Variants in SLC35F1 observed in about 807,000 individuals in gnomAD.
SLC35F1 encodes chromosome 6 open reading frame 169.
A neutral mutation model predicts 48.7 loss-of-function variants in SLC35F1; 14 were observed. The observed-to-expected ratio is 0.29, with a 90% CI of 0.19 to 0.45. The LOEUF is 0.45. SLC35F1 is among the 20% of genes least tolerant of loss of function. The probability of loss-of-function intolerance (pLI) is 1.00; values close to 1 mark genes in which losing one functional copy is unlikely to be tolerated. For missense variants in SLC35F1, 404 were observed against 500.0 expected (o/e 0.81, Z 1.83); for synonymous variants, 190 against 202.2 (o/e 0.94, Z 0.51).
chr6:118,252,511 C>G (rs1775587508), intron 3 of SLC35F1, among the ~76,000 whole-genome samples: 1 of 152,074 alleles, frequency 6.6e-6, no homozygotes, highest in Admixed American at 6.6e-5. Context: ...AAAATCAAAG[C>G]ATTCTGCTTT....
Position 118,297,637 on chromosome 6 carries a change from T to A in SLC35F1, c.1002+12299T>A, listed in dbSNP as rs867406807. On this transcript the variant is annotated intron_variant, in intron 7 of 7. Transcript: ENST00000360388. ...TTCTCAGAACTTATATATATATATA[T>A]AAAAAATATATATATAATATATATA... Among the ~76,000 whole-genome samples the A allele has an allele frequency of 6.4e-3, 685 of 107,044 alleles. 14 individuals are homozygous for A. Among genetic ancestry groups the A allele is most frequent in the Non-Finnish European group, 8.7e-3 (440 of 50,446 alleles). 70.2% of individuals were successfully genotyped at this position (107,044 alleles called of 152,430 possible). A position where few individuals can be genotyped will look rare whatever the true frequency, so the allele number is the denominator to read the frequency against.
At chr6:118,133,008 G>T (rs1214840806) in intron 1 of SLC35F1, among the ~76,000 whole-genome samples, 1 of 152,170 alleles carries the variant, frequency 6.6e-6, no homozygotes, top group Non-Finnish European at 1.5e-5. Flanking sequence ...GAAGAGGGTT[G>T]ACAGCTGGCT....
At chr6:118,114,541 T>A (rs1046945837) in intron 1 of SLC35F1, among the ~76,000 whole-genome samples, 3 of 150,502 alleles carry the variant, frequency 2.0e-5, no homozygotes, top group Non-Finnish European at 4.4e-5. Flanking sequence ...GCCCAGCTAT[T>A]TTTTTTTTGT....
chr6:118,106,822 C>T (rs754938652), intron 1 of SLC35F1, among the ~76,000 whole-genome samples: 7 of 152,146 alleles, frequency 4.6e-5, no homozygotes, highest in Non-Finnish European at 1.0e-4. Context: ...CTCATTCAGC[C>T]CTTTGGACAC....
intron 2 of SLC35F1, among the ~76,000 whole-genome samples, chr6:118,230,414 G>C (rs905148178): frequency 2.0e-5 from 3 of 151,682 alleles, no homozygotes; most frequent in Non-Finnish European, 4.4e-5. Context: ...CCAATTAGAA[G>C]TCTATCAGTG....
At position 118,285,275 on chromosome 6, in the gene SLC35F1, C is replaced by T. The variant is rs1441142184; in HGVS notation, c.939C>T (p.Asn313=). ...VIKKTSATSV[N]LSLLTADLYS... ...AGAAAACCAGTGCCACTTCAGTCAA[C>T]CTCTCCTTGCTCACAGCAGACTTGT... Residue 313 remains asparagine (N), a synonymous_variant, in exon 7 of 8, where the codon AAC becomes AAT. Coordinates refer to ENST00000360388, the MANE Select transcript of SLC35F1 (RefSeq NM_001029858.4). 1.2e-5 allele frequency: 20 copies of T among 1,614,026 alleles called. No individual in the cohort carries two copies. Among genetic ancestry groups the T allele is most frequent in the Non-Finnish European group, 1.6e-5 (19 of 1,179,922 alleles).
rs1031718683 is a variant in SLC35F1, at chr6:118,154,891, C to T, written c.349+271C>T. On this transcript the variant is annotated intron_variant, in intron 2 of 7. Transcript: ENST00000360388. ...TTTTGAATCCCCGTTAACATTACTT[C>T]TACCCTCTCAGTGGAATTAAATGAG... Among the ~76,000 whole-genome samples the T allele has an allele frequency of 2.6e-5, 4 of 152,276 alleles. No individual in the cohort carries two copies. The East Asian group carries it at 7.7e-4, about 29-fold the overall frequency.
At chr6:118,119,253 T>G (rs937848029) in intron 1 of SLC35F1, among the ~76,000 whole-genome samples, 1 of 152,188 alleles carries the variant, frequency 6.6e-6, no homozygotes, top group African/African-American at 2.4e-5. Flanking sequence ...AACAATGTTT[T>G]CTTATTTTAG....
intron 2 of SLC35F1, among the ~76,000 whole-genome samples, chr6:118,180,743 G>A (rs143905982): frequency 1.1e-4 from 17 of 152,106 alleles, no homozygotes; most frequent in East Asian, 5.8e-4. Context: ...CTCAGATTCC[G>A]GAAGGAGATT....
At chr6:118,125,744 T>C (rs1302963672) in intron 1 of SLC35F1, among the ~76,000 whole-genome samples, 1 of 152,138 alleles carries the variant, frequency 6.6e-6, no homozygotes, top group African/African-American at 2.4e-5. Context: ...ACCAGAGACG[T>C]AGCAAGCCAA....
chr6:118,308,024 C>T lies in SLC35F1; in HGVS notation c.1003-6004C>T, dbSNP rs150177555. Among the ~76,000 whole-genome samples, 11 of 152,278 alleles carry T rather than the reference C, an allele frequency of 7.2e-5. No individual in the cohort carries two copies. In the East Asian group the frequency reaches 1.7e-3, roughly 24 times the overall value. ...GCTTCATTTCTTCGAAGACAGTTGC[C>T]GAAAGGTCCACCCTTTAATTCACAT... is the stretch of plus-strand genomic sequence containing the variant. On this transcript the variant is annotated intron_variant, in intron 7 of 7. Coordinates refer to ENST00000360388, the MANE Select transcript of SLC35F1 (RefSeq NM_001029858.4).
At chr6:118,254,315 T>G (rs1480029034) in intron 3 of SLC35F1, among the ~76,000 whole-genome samples, 2 of 152,226 alleles carry the variant, frequency 1.3e-5, no homozygotes, top group Non-Finnish European at 2.9e-5. Flanking sequence ...TTTTTCTTGC[T>G]CTGTCACATA....
At chr6:117,969,038 T>C (rs937705091) in intron 1 of SLC35F1, among the ~76,000 whole-genome samples, 14 of 152,240 alleles carry the variant, frequency 9.2e-5, no homozygotes, top group Admixed American at 5.9e-4. Flanking sequence ...TTCTTGTAGG[T>C]TGAAAGTTAT....
At chr6:118,222,290 A>T (rs187748825) in intron 2 of SLC35F1, among the ~76,000 whole-genome samples, 14 of 152,274 alleles carry the variant, frequency 9.2e-5, no homozygotes, top group African/African-American at 3.4e-4. Flanking sequence ...CATATCCCAC[A>T]ATCTGGATTT....
rs138209286 is a variant in SLC35F1, at chr6:118,230,165, C to T, written c.350-5344C>T. Among the ~76,000 whole-genome samples the T allele has an allele frequency of 8.0e-3, 1,215 of 152,032 alleles. 7 individuals are homozygous for T. Among genetic ancestry groups the T allele is most frequent in the Non-Finnish European group, 0.011 (759 of 67,986 alleles). On this transcript the variant is annotated intron_variant, in intron 2 of 7. Transcript: ENST00000360388. The stretch of plus-strand genomic sequence containing the variant: ...GACTATCCTGGCCAACATGGTGAAA[C>T]CTCATCTCTACTAAAAATACAAAAA...
At chr6:118,231,079 G>C (rs1031926015) in intron 2 of SLC35F1, among the ~76,000 whole-genome samples, 7 of 152,090 alleles carry the variant, frequency 4.6e-5, no homozygotes, top group African/African-American at 1.4e-4. Flanking sequence ...ACAGAGAGGG[G>C]ACTTTTATTT....
intron 1 of SLC35F1, among the ~76,000 whole-genome samples, chr6:118,061,548 T>G (rs1200915430): frequency 6.7e-6 from 1 of 149,930 alleles, no homozygotes; most frequent in Non-Finnish European, 1.5e-5. Context: ...CATAGACATA[T>G]TTTATGTGTA....
In SLC35F1 at chr6:118,212,272, C is replaced by A. The variant is rs190857468; in HGVS notation, c.350-23237C>A. On this transcript the variant is annotated intron_variant, in intron 2 of 7. Coordinates refer to ENST00000360388, the MANE Select transcript of SLC35F1 (RefSeq NM_001029858.4). ...TGTCTGCTTTTATTATACAGATGTC[C>A]CAGAAGTCCTGAATACTGACTTTTC... Among the ~76,000 whole-genome samples, 4 of 152,148 alleles carry A rather than the reference C, an allele frequency of 2.6e-5. No homozygotes were observed. In the East Asian group the frequency reaches 7.7e-4, roughly 29 times the overall value.
chr6:117,999,351 A>T (rs1209934497), intron 1 of SLC35F1: 1 of 1,592,846 alleles, frequency 6.3e-7, no homozygotes, highest in Non-Finnish European at 8.5e-7. Context: ...GCCAAGGCCA[A>T]GGCCAAGGAT....
Sources: gnomAD v4.1 joint callset for allele counts (sites outside exome capture counted in the v4.1 genomes callset) on GRCh38, gnomAD v4.1.1 for gene constraint, MANE v1.5 for transcripts, NCBI Gene and HGNC (gene_info 2026-07-23, HGNC 2026-07-21) for gene names.